The following TET2 variants were observed in gnomAD, a reference collection of about 807,000 sequenced individuals.
TET2 encodes tet methylcytosine dioxygenase 2.
In TET2, 299 loss-of-function variants were observed where a neutral mutation model predicts 142.9. The ratio of observed to expected loss-of-function variants is 2.09; its 90% CI spans 1.90 to 2.30. The LOEUF is 2.30. Ranked by LOEUF, TET2 falls within the 30% of genes most tolerant of loss-of-function variation. TET2 has a pLI of 0.00. For synonymous variants in TET2, 819 were observed against 849.0 expected, an observed-to-expected ratio of 0.96 and a Z score of 0.61; for missense variants, 2,418 against 2,378.0, an observed-to-expected ratio of 1.02 and a Z score of -0.35.
chr4:105,278,985 A>T lies in TET2; in HGVS notation c.*2466A>T, dbSNP rs1194591010. On this transcript the variant is annotated 3_prime_UTR_variant, in exon 11 of 11. Transcript: ENST00000380013. ...ATTTTTGCTTACTAGTATTTAAAAT[A>T]AATTCTTAATCAGAGGAGGCCTTTG... 4.3e-6 allele frequency: 1 copy of T among 232,998 alleles called. No homozygotes were observed. The highest frequency in any genetic ancestry group is 8.5e-6 in the Non-Finnish European group (1 of 117,880). 14.4% of individuals were successfully genotyped at this position (232,998 alleles called of 1,614,324 possible). A position where few individuals can be genotyped will look rare whatever the true frequency, so the allele number is the denominator to read the frequency against.
At chr4:105,262,434 G>C (rs1006098455) in intron 8 of TET2, among the ~76,000 whole-genome samples, 7 of 151,938 alleles carry the variant, frequency 4.6e-5, no homozygotes, top group Non-Finnish European at 8.8e-5. Context: ...GATTTGGTCA[G>C]AAATCTCTCA....
In TET2 at chr4:105,276,312, G is replaced by T; in HGVS notation, c.5802G>T (p.Lys1934Asn). The T allele has an allele frequency of 6.4e-7, 1 of 1,551,684 alleles. No individual in the cohort carries two copies. The highest frequency in any genetic ancestry group is 8.7e-7 in the Non-Finnish European group (1 of 1,146,986). ...GTGAGAAAGAGGAAGAGTGTGAAAA[G>T]TATGGCCCAGACTATGTGCCTCAGA... ...KAREKEEECEKYGPDYVPQKS... is the reference protein window; with the variant it reads ...KAREKEEECENYGPDYVPQKS... Residue 1934 changes from lysine to asparagine, a missense_variant, in exon 11 of 11, where the codon AAG becomes AAT. Lys to Asn is a moderately conservative substitution (Grantham distance 94). Coordinates refer to ENST00000380013, the MANE Select transcript of TET2 (RefSeq NM_001127208.3).
chr4:105,257,517 CTGTA>C (rs573556985), intron 6 of TET2, among the ~76,000 whole-genome samples: 2 of 152,076 alleles, frequency 1.3e-5, no homozygotes, highest in Non-Finnish European at 2.9e-5. Flanking sequence ...ACAAAGGGGT[CTGTA>C]TGTGTGTTGG....
intron 1 of TET2, among the ~76,000 whole-genome samples, chr4:105,157,261 C>T (rs561106152): frequency 6.6e-6 from 1 of 151,884 alleles, no homozygotes; most frequent in South Asian, 2.1e-4. Flanking sequence ...TAAATGGGTA[C>T]CTTTCAAAAA....
intron 1 of TET2, among the ~76,000 whole-genome samples, chr4:105,166,827 T>A (rs1038819232): frequency 8.5e-5 from 13 of 152,056 alleles, no homozygotes; most frequent in African/African-American, 2.9e-4. Flanking sequence ...GCCAGTCTGA[T>A]TCTGTCTTTT....
chr4:105,243,712 C>CGG lies in TET2; in HGVS notation c.3738_3739dup (p.Glu1247GlyfsTer7). ...CTGTCTCTGGCTGACAAACTCTACT[C>CGG]GGAGCTTACCGAGACGCTGAGGAAA... On this transcript the variant is annotated frameshift_variant, in exon 6 of 11. Transcript: ENST00000380013. LOFTEE classifies it high-confidence loss of function. 6.4e-7 allele frequency: 1 copy of CGG among 1,551,530 alleles called. No individual in the cohort carries two copies. The highest frequency in any genetic ancestry group is 8.7e-7 in the Non-Finnish European group (1 of 1,146,936).
At chr4:105,217,459 A>G (rs1282079038) in intron 2 of TET2, among the ~76,000 whole-genome samples, 1 of 152,048 alleles carries the variant, frequency 6.6e-6, no homozygotes, top group African/African-American at 2.4e-5. Flanking sequence ...GATTAAAATT[A>G]CATAAGATAT....
chr4:105,163,734 G>C (rs376616078), intron 1 of TET2, among the ~76,000 whole-genome samples: 3 of 151,242 alleles, frequency 2.0e-5, no homozygotes, highest in African/African-American at 7.3e-5. Context: ...CTCTTTGTTC[G>C]TAATCAATGT....
intron 3 of TET2, chr4:105,238,780 T>A (rs542938644): frequency 4.2e-6 from 1 of 238,720 alleles, no homozygotes; most frequent in South Asian, 1.8e-4. Context: ...CCCCCTCCCA[T>A]GAATTATGAA....
chr4:105,201,677 A>G (rs190988023), intron 2 of TET2, among the ~76,000 whole-genome samples: 50 of 148,036 alleles, frequency 3.4e-4, no homozygotes, highest in African/African-American at 9.9e-4. Flanking sequence ...CTAGAATTCA[A>G]TTAGTGCCAA....
At position 105,190,474 on chromosome 4, in the gene TET2, T is replaced by C; in HGVS notation, c.-78T>C. Reference sequence around the variant, plus strand: ...CTCAGCAGCAGCCAATAGGACATGATCCAGGAAGAGCAGTAAGGGACTGAG... The same window carrying C: ...CTCAGCAGCAGCCAATAGGACATGACCCAGGAAGAGCAGTAAGGGACTGAG... On this transcript the variant is annotated 5_prime_UTR_variant, in exon 2 of 11. Coordinates refer to ENST00000380013, the MANE Select transcript of TET2 (RefSeq NM_001127208.3). 1.4e-6 allele frequency: 1 copy of C among 702,162 alleles called. No homozygotes were observed. Among genetic ancestry groups the C allele is most frequent in the South Asian group, 1.5e-5 (1 of 67,566 alleles). 43.5% of individuals were successfully genotyped at this position (702,162 alleles called of 1,614,324 possible).
intron 1 of TET2, among the ~76,000 whole-genome samples, chr4:105,176,562 C>G (rs959330930): frequency 5.9e-5 from 9 of 152,068 alleles, no homozygotes; most frequent in African/African-American, 9.7e-5. Flanking sequence ...AAATGAAATA[C>G]TTTTGTATAA....
At chr4:105,175,368 C>T (rs975320078) in intron 1 of TET2, among the ~76,000 whole-genome samples, 6 of 151,614 alleles carry the variant, frequency 4.0e-5, no homozygotes, top group Admixed American at 2.0e-4. Flanking sequence ...AATATAGAGA[C>T]GGAAATTTTA....
intron 2 of TET2, among the ~76,000 whole-genome samples, chr4:105,228,361 T>A (rs962456987): frequency 6.6e-6 from 1 of 152,134 alleles, no homozygotes; most frequent in African/African-American, 2.4e-5. Flanking sequence ...AAGGACTTGC[T>A]GTCACAGACA....
chr4:105,231,620 G>A (rs533585639), intron 2 of TET2, among the ~76,000 whole-genome samples: 11 of 152,148 alleles, frequency 7.2e-5, no homozygotes, highest in Middle Eastern at 3.4e-3. Flanking sequence ...TAACTTTAGC[G>A]TTGCTTTCAA....
intron 1 of TET2, among the ~76,000 whole-genome samples, chr4:105,176,469 A>T (rs1724802163): frequency 6.6e-6 from 1 of 152,190 alleles, no homozygotes; most frequent in Non-Finnish European, 1.5e-5. Flanking sequence ...ATATAAAGAA[A>T]GCCAATCACT....
intron 1 of TET2, among the ~76,000 whole-genome samples, chr4:105,151,151 C>T (rs887655086): frequency 6.6e-6 from 1 of 152,080 alleles, no homozygotes. Flanking sequence ...AGGCCCCAGT[C>T]TCTACAAAAA....
In TET2 at chr4:105,237,601, A is replaced by G; in HGVS notation, c.3409+250A>G. On this transcript the variant is annotated intron_variant, in intron 3 of 10. Transcript: ENST00000380013. ...TGCATGTTTATTTTTCCCTCTCTTC[A>G]GATCCTGTAAAATTTGAATGTATCT... The G allele has an allele frequency of 1.4e-6, 2 of 1,459,398 alleles. 1 individual carries two copies. Among genetic ancestry groups the G allele is most frequent in the South Asian group, 3.0e-5 (2 of 66,792 alleles). The allele number at this position is 1,459,398 out of a possible 1,614,324, so 90.4% of individuals were successfully genotyped here. A position where few individuals can be genotyped will look rare whatever the true frequency, so the allele number is the denominator to read the frequency against.
chr4:105,183,894 TA>T (rs1433983058), intron 1 of TET2, among the ~76,000 whole-genome samples: 1 of 152,240 alleles, frequency 6.6e-6, no homozygotes, highest in Admixed American at 6.5e-5. Context: ...TTTCTTCTCC[TA>T]TACTACTTGA....
Sources: allele counts gnomAD v4.1 joint callset (sites outside exome capture counted in the v4.1 genomes callset), GRCh38; gene constraint gnomAD v4.1.1; transcripts MANE v1.5; gene names NCBI Gene and HGNC (gene_info 2026-07-23, HGNC 2026-07-21).